The following ITGAE variants were observed in gnomAD, a reference collection of about 807,000 sequenced individuals.
ITGAE encodes integrin subunit alpha E.
In ITGAE, 99 loss-of-function variants were observed where a neutral mutation model predicts 136.5. That is an observed-to-expected ratio of 0.73 (90% CI 0.62 to 0.86). The LOEUF (loss-of-function observed/expected upper bound fraction) is 0.86, where lower values mean the gene tolerates loss of function less well. Ranked by LOEUF, ITGAE falls within the 40% of genes least tolerant of loss-of-function variation. ITGAE has a pLI of 0.00. For synonymous variants in ITGAE, 613 were observed against 591.8 expected, an observed-to-expected ratio of 1.04 and a Z score of -0.52; for missense variants, 1,447 against 1,515.3, an observed-to-expected ratio of 0.95 and a Z score of 0.75.
intron 26 of ITGAE, 43 bp from the exon 27 acceptor site, chr17:3,723,787 C>T: frequency 6.3e-7 from 1 of 1,599,844 alleles, no homozygotes; most frequent in East Asian, 2.2e-5. Flanking sequence ...ACAAACCAAG[C>T]CGCCAGTTTT....
intron 1 of ITGAE, 78 bp from the exon 2 acceptor site, chr17:3,777,738 C>T (rs2052577841): frequency 2.7e-6 from 4 of 1,491,852 alleles, no homozygotes; most frequent in Non-Finnish European, 3.6e-6. Flanking sequence ...GTGTCATGAA[C>T]CCCGTTTTAC....
intron 22 of ITGAE, 109 bp from the exon 23 acceptor site, chr17:3,731,292 C>T: frequency 1.4e-6 from 1 of 725,716 alleles, no homozygotes; most frequent in Admixed American, 2.2e-5. Context: ...CAGATTTTCA[C>T]ATTCCTCACA....
chr17:3,746,652 G>A (rs1172671934), intron 17 of ITGAE, among the ~76,000 whole-genome samples: 4 of 151,988 alleles, frequency 2.6e-5, no homozygotes, highest in East Asian at 1.9e-4. Flanking sequence ...TGGAGACGGC[G>A]TTTCACCATG....
chr17:3,798,463 C>T lies in ITGAE; in HGVS notation c.34+2648G>A, dbSNP rs2053175071. Among the ~76,000 whole-genome samples, 1 of 152,088 alleles carries T rather than the reference C, an allele frequency of 6.6e-6. No homozygotes were observed. Among genetic ancestry groups the T allele is most frequent in the Non-Finnish European group, 1.5e-5 (1 of 67,996 alleles). On this transcript the variant is annotated intron_variant, in intron 1 of 30. Coordinates refer to ENST00000263087, the MANE Select transcript of ITGAE (RefSeq NM_002208.5). This position sits in a 1 kb window ranked among gnomAD's most constrained non-coding sequence, Gnocchi z 4.3. ...ACTCTTCACACCCCAGGGCTTGGTC[C>T]CTCCTATCCCCCCTGCACAGAAGGC...
At chr17:3,724,361 C>G in intron 26 of ITGAE, 1 of 1,602,162 alleles carries the variant, frequency 6.2e-7, no homozygotes, top group Non-Finnish European at 8.5e-7. Context: ...CCAGCCGCGA[C>G]TCCGGCCGCC....
At chr17:3,741,742 C>T (rs2051593320) in intron 19 of ITGAE, among the ~76,000 whole-genome samples, 1 of 152,128 alleles carries the variant, frequency 6.6e-6, no homozygotes, top group Admixed American at 6.6e-5. Flanking sequence ...AGATGGTGTA[C>T]TGAGAAGGAC....
At chr17:3,762,134 C>T in intron 3 of ITGAE, 152 bp from the exon 4 acceptor site, 1 of 652,064 alleles carries the variant, frequency 1.5e-6, no homozygotes, top group Non-Finnish European at 2.7e-6. Flanking sequence ...AGAGCGGGGG[C>T]CTTCAAGGTC....
chr17:3,772,524 C>T (rs1234532878), intron 2 of ITGAE, among the ~76,000 whole-genome samples: 2 of 148,852 alleles, frequency 1.3e-5, no homozygotes, highest in East Asian at 3.9e-4. Context: ...AGTGCAGTGG[C>T]GCGATCTCGG....
chr17:3,769,331 A>ACCCCCC (rs2052366714), intron 2 of ITGAE, among the ~76,000 whole-genome samples: 1 of 150,370 alleles, frequency 6.7e-6, no homozygotes, highest in African/African-American at 2.4e-5. Context: ...TGACTATAGC[A>ACCCCCC]CCCCACCCCC....
At chr17:3,767,396 C>A (rs960275745) in intron 2 of ITGAE, among the ~76,000 whole-genome samples, 6 of 151,750 alleles carry the variant, frequency 4.0e-5, no homozygotes, top group African/African-American at 1.5e-4. Context: ...CCACACCCGG[C>A]CAATTTTTGT....
At chr17:3,800,122 A>G (rs2053215732) in intron 1 of ITGAE, among the ~76,000 whole-genome samples, 1 of 152,222 alleles carries the variant, frequency 6.6e-6, no homozygotes, top group Admixed American at 6.5e-5. Flanking sequence ...GTCTCAAAAA[A>G]TAAAATAAAA....
At chr17:3,724,831 C>G (rs1334947948) in intron 26 of ITGAE, 1 of 1,614,156 alleles carries the variant, frequency 6.2e-7, no homozygotes, top group South Asian at 1.1e-5. Context: ...GGCCAGGACT[C>G]TTGTCAAGAG....
Position 3,753,847 on chromosome 17 carries a change from G to T in ITGAE, c.1463C>A (p.Ala488Asp). 1 of 1,614,130 alleles carries T rather than the reference G, an allele frequency of 6.2e-7. No individual in the cohort carries two copies. Among genetic ancestry groups the T allele is most frequent in the Non-Finnish European group, 8.5e-7 (1 of 1,180,000 alleles). ...GCCCTCCTTCTGGAGCTCAAACACG[G>T]CCCCATGATGTTTGTACCGTGGAGC... ...AGAPRYKHHG[A>D]VFELQKEGRE... Residue 488 changes from alanine (A) to aspartate (D), a missense_variant, in exon 13 of 31, where the codon GCC (alanine) becomes GAC (aspartate). By Grantham distance (126) the Ala-to-Asp change is moderately radical (BLOSUM62 -2). Transcript: ENST00000263087.
In ITGAE at chr17:3,743,586, C is replaced by A; in HGVS notation, c.2351G>T (p.Ser784Ile). The change falls in exon 19 of 31, where the codon AGT becomes ATT. Residue 784 changes from serine to isoleucine, a missense_variant. Ser to Ile is a moderately radical substitution (Grantham distance 142). This residue lies in a region of ITGAE where 1,031 missense variants were observed against 1,011.4 expected (regional missense o/e 1.02). Transcript: ENST00000263087. ...CTGGAGCTGGTAGCTGACTTTGACA[C>A]TGGCATTGGAGAAGCAGTCCTCCTC... is the stretch of plus-strand genomic sequence containing the variant. ...LCEEDCFSNA[S>I]VKVSYQLQTP... 6.2e-7 allele frequency: 1 copy of A among 1,613,330 alleles called. No individual in the cohort carries two copies. The highest frequency in any genetic ancestry group is 8.5e-7 in the Non-Finnish European group (1 of 1,179,746).
intron 21 of ITGAE, among the ~76,000 whole-genome samples, chr17:3,734,118 T>G (rs189176823): frequency 3.3e-4 from 50 of 152,362 alleles, no homozygotes; most frequent in Middle Eastern, 3.4e-3. Context: ...TGGCCCAGGC[T>G]GGAGTGCAGT....
rs1184933632 is a variant in ITGAE at position 3,750,467 on chromosome 17, T to C, written c.1909A>G (p.Thr637Ala). Residue 637 changes from threonine to alanine, a missense_variant, in exon 16 of 31, where the codon ACG (threonine) becomes GCG (alanine). Physicochemically the swap from Thr to Ala is moderately conservative, Grantham distance 58 (BLOSUM62 0). This residue lies in a region of ITGAE where 1,031 missense variants were observed against 1,011.4 expected (regional missense o/e 1.02). Coordinates refer to ENST00000263087, the MANE Select transcript of ITGAE (RefSeq NM_002208.5). ...ASPSQRIRASTVAPGLQYFGM... is the reference protein window; with the variant it reads ...ASPSQRIRASAVAPGLQYFGM... Reference sequence around the variant, plus strand: ...AAGTACTGGAGTCCTGGGGCCACCGTGGAGGCTCTGATCCGCTGTGGAGGC... The same window carrying C: ...AAGTACTGGAGTCCTGGGGCCACCGCGGAGGCTCTGATCCGCTGTGGAGGC... The C allele has an allele frequency of 8.1e-6, 13 of 1,613,940 alleles. No individual in the cohort carries two copies. The highest frequency in any genetic ancestry group is 1.1e-5 in the Non-Finnish European group (13 of 1,179,990).
At chr17:3,741,733 G>A (rs2051593060) in intron 19 of ITGAE, among the ~76,000 whole-genome samples, 1 of 152,190 alleles carries the variant, frequency 6.6e-6, no homozygotes, top group African/African-American at 2.4e-5. Context: ...TGCCTCCTGA[G>A]ATGGTGTACT....
rs544014671 is a variant in ITGAE, at chr17:3,799,901, G to A, written c.34+1210C>T. Among the ~76,000 whole-genome samples, 16 of 152,170 alleles carry A rather than the reference G, an allele frequency of 1.1e-4. No individual in the cohort carries two copies. Among genetic ancestry groups the A allele is most frequent in the Non-Finnish European group, 2.1e-4 (14 of 68,044 alleles). ...ACACTTTGGGAGGCCGAGGCAGGTC[G>A]ATCACCTGAGGGCAGGAGACCAGCC... On this transcript the variant is annotated intron_variant, in intron 1 of 30. Coordinates refer to ENST00000263087, the MANE Select transcript of ITGAE (RefSeq NM_002208.5). The surrounding 1 kb of genome is among the most constrained non-coding windows in gnomAD (Gnocchi z 4.1).
chr17:3,784,123 G>A, intron 1 of ITGAE, among the ~76,000 whole-genome samples: 1 of 152,028 alleles, frequency 6.6e-6, no homozygotes, highest in East Asian at 2.0e-4. Context: ...AGCCGGGCGT[G>A]GTGGCGGGCG....
Sources: gnomAD v4.1 joint callset for allele counts (sites outside exome capture counted in the v4.1 genomes callset) on GRCh38, gnomAD v4.1.1 for gene constraint, gnomAD v4.1.1 regional missense constraint, Gnocchi (gnomAD v3.1) non-coding constraint, MANE v1.5 for transcripts, NCBI Gene and HGNC (gene_info 2026-07-23, HGNC 2026-07-21) for gene names.